Variants in LPP observed in about 807,000 individuals in gnomAD.
LPP encodes the protein LIM domain containing preferred translocation partner in lipoma, also known as lipoma-preferred partner.
Under a neutral mutation model 60.4 loss-of-function variants are expected in LPP, and 38 were observed. That is an observed-to-expected ratio of 0.63 (90% CI 0.49 to 0.83). The LOEUF is 0.83. LPP is among the 40% of genes least tolerant of loss of function. LPP has a pLI of 0.00. For synonymous variants in LPP, 328 were observed against 290.8 expected, an observed-to-expected ratio of 1.13 and a Z score of -1.30; for missense variants, 902 against 783.6, an observed-to-expected ratio of 1.15 and a Z score of -1.80.
At chr3:188,321,480 G>T (rs550380904) in intron 2 of LPP, among the ~76,000 whole-genome samples, 1 of 152,270 alleles carries the variant, frequency 6.6e-6, no homozygotes, top group African/African-American at 2.4e-5. Context: ...AATTGACCTT[G>T]TGTTCTCCCC....
intron 5 of LPP, among the ~76,000 whole-genome samples, chr3:188,503,202 C>G (rs113038693): frequency 5.1e-4 from 78 of 152,120 alleles, no homozygotes; most frequent in African/African-American, 1.8e-3. Context: ...TTATAACACT[C>G]TAATTTGAAG....
rs192549868 is a variant in LPP, at chr3:188,776,521, A to G, written c.1410+16239A>G. On this transcript the variant is annotated intron_variant, in intron 9 of 11. Coordinates refer to ENST00000617246, the MANE Select transcript of LPP (RefSeq NM_001375462.1). ...CTTCAGGATAACAGGCTTTTTCACA[A>G]AAGTATCAAATAGTCTTAGACTCAT... Among the ~76,000 whole-genome samples, 5 of 152,330 alleles carry G rather than the reference A, an allele frequency of 3.3e-5. No homozygotes were observed. The East Asian group carries it at 9.6e-4, about 29-fold the overall frequency.
rs1731749376 is a variant in LPP at position 188,760,270 on chromosome 3, GC to G, written c.1401del (p.Cys468AlafsTer36). On this transcript the variant is annotated frameshift_variant, in exon 9 of 12. Transcript: ENST00000617246. LOFTEE classifies it high-confidence loss of function. Reference protein sequence around the residue: ...YAVEKKAYCEPCYINTLEQCN... With the variant: ...YAVEKKAYCEXCYINTLEQCN... ...CTGTGGAAAAGAAAGCATACTGCGA[GC>G]CCTGCTACATTGTAAGTTCCAGATT... 7 of 1,614,038 alleles carry G rather than the reference GC, an allele frequency of 4.3e-6. No homozygotes were observed. The highest frequency in any genetic ancestry group is 1.7e-5 in the Admixed American group (1 of 59,988).
chr3:188,235,526 G>A (rs919401962), intron 2 of LPP, among the ~76,000 whole-genome samples: 2 of 152,160 alleles, frequency 1.3e-5, no homozygotes, highest in African/African-American at 2.4e-5. Flanking sequence ...ACATGTTTTT[G>A]TGTACATTTA....
At chr3:188,830,322 A>G (rs74769150) in intron 9 of LPP, among the ~76,000 whole-genome samples, 1 of 150,732 alleles carries the variant, frequency 6.6e-6, no homozygotes, top group South Asian at 2.1e-4. Context: ...AAAAAAAAAA[A>G]GGCTCAACCA....
chr3:188,469,995 T>C (rs1403017164), intron 4 of LPP, among the ~76,000 whole-genome samples: 2 of 152,098 alleles, frequency 1.3e-5, no homozygotes, highest in African/African-American at 2.4e-5. Context: ...TTAAATACTT[T>C]GGTCTACACA....
Position 188,886,494 on chromosome 3 carries a change from A to G in LPP, c.*12015A>G, listed in dbSNP as rs1416766239. ...ATCTAGTATGCCTGAGTAGAGACTCACATGGGTGGAATCTGTGTTGTCTCA... is the reference window on the plus strand; with the variant it reads ...ATCTAGTATGCCTGAGTAGAGACTCGCATGGGTGGAATCTGTGTTGTCTCA... On this transcript the variant is annotated 3_prime_UTR_variant, in exon 12 of 12. Transcript: ENST00000617246. 6.5e-5 allele frequency: 12 copies of G among 185,712 alleles called. No individual in the cohort carries two copies. The highest frequency in any genetic ancestry group is 9.8e-5 in the Non-Finnish European group (9 of 91,980). The allele number at this position is 185,712 out of a possible 1,614,324, so 11.5% of individuals were successfully genotyped here.
intron 3 of LPP, among the ~76,000 whole-genome samples, chr3:188,346,803 A>G (rs1764522176): frequency 6.6e-6 from 1 of 152,164 alleles, no homozygotes; most frequent in African/African-American, 2.4e-5. Flanking sequence ...GAAGTATGAG[A>G]TGACATTTGA....
At chr3:188,204,887 T>C (rs1186473206) in intron 1 of LPP, among the ~76,000 whole-genome samples, 1 of 152,240 alleles carries the variant, frequency 6.6e-6, no homozygotes, top group Non-Finnish European at 1.5e-5. Flanking sequence ...GTTAAGATTT[T>C]CAAAGATGAG....
chr3:188,537,967 A>G (rs1824093854), intron 6 of LPP, among the ~76,000 whole-genome samples: 1 of 152,194 alleles, frequency 6.6e-6, no homozygotes, highest in South Asian at 2.1e-4. Flanking sequence ...GATTTTCAAC[A>G]GGGTGTTGTG....
At chr3:188,747,917 G>T (rs1275057982) in intron 8 of LPP, among the ~76,000 whole-genome samples, 1 of 152,050 alleles carries the variant, frequency 6.6e-6, no homozygotes, top group African/African-American at 2.4e-5. Context: ...TGTAACATCG[G>T]GTGTCAAGTA....
At chr3:188,653,072 C>A (rs1560708566) in intron 7 of LPP, among the ~76,000 whole-genome samples, 3 of 152,188 alleles carry the variant, frequency 2.0e-5, no homozygotes, top group Non-Finnish European at 4.4e-5. Flanking sequence ...GAAGAGTCGT[C>A]TTGAGACAAT....
intron 9 of LPP, among the ~76,000 whole-genome samples, chr3:188,797,868 T>A (rs1745845130): frequency 6.6e-6 from 1 of 152,228 alleles, no homozygotes; most frequent in Non-Finnish European, 1.5e-5. Context: ...CCAAAGCTCC[T>A]TCTGGTGGGA....
intron 5 of LPP, among the ~76,000 whole-genome samples, chr3:188,497,873 G>C (rs1425264532): frequency 6.6e-6 from 1 of 152,124 alleles, no homozygotes; most frequent in Non-Finnish European, 1.5e-5. Context: ...AGTGGGGATA[G>C]AAACCAGTTT....
intron 9 of LPP, among the ~76,000 whole-genome samples, chr3:188,864,165 G>A (rs1765998028): frequency 6.6e-6 from 1 of 152,124 alleles, no homozygotes; most frequent in African/African-American, 2.4e-5. Flanking sequence ...TAGGTTAATA[G>A]TTTCCATGCG....
chr3:188,439,569 G>C (rs1201106557), intron 4 of LPP, among the ~76,000 whole-genome samples: 1 of 152,160 alleles, frequency 6.6e-6, no homozygotes, highest in African/African-American at 2.4e-5. Flanking sequence ...AGTTAAACCT[G>C]GGGACAGTTC....
At chr3:188,375,200 A>T (rs1050981700) in intron 3 of LPP, among the ~76,000 whole-genome samples, 1 of 152,178 alleles carries the variant, frequency 6.6e-6, no homozygotes. Flanking sequence ...AGGCTTTGGT[A>T]TCAGGATGAT....
chr3:188,870,180 A>C (rs1767748448), intron 10 of LPP, among the ~76,000 whole-genome samples: 1 of 152,148 alleles, frequency 6.6e-6, no homozygotes, highest in African/African-American at 2.4e-5. Flanking sequence ...GTGTATATAT[A>C]TATATAACTT....
chr3:188,727,110 A>T (rs1369962368), intron 8 of LPP, among the ~76,000 whole-genome samples: 1 of 152,170 alleles, frequency 6.6e-6, no homozygotes, highest in Non-Finnish European at 1.5e-5. Flanking sequence ...ACCATCCCAG[A>T]AAAGCCCAAA....
Sources: gnomAD v4.1 joint callset for allele counts (sites outside exome capture counted in the v4.1 genomes callset) on GRCh38, gnomAD v4.1.1 for gene constraint, MANE v1.5 for transcripts, NCBI Gene and HGNC (gene_info 2026-07-23, HGNC 2026-07-21) for gene names.